The following MIB2 variants were observed in gnomAD, a reference collection of about 807,000 sequenced individuals.
The protein encoded by MIB2 is E3 ubiquitin-protein ligase MIB2.
A neutral mutation model predicts 96.6 loss-of-function variants in MIB2; 78 were observed. That is an observed-to-expected ratio of 0.81 (90% confidence interval 0.67 to 0.97). The LOEUF (loss-of-function observed/expected upper bound fraction) is 0.97. MIB2 is among the 50% of genes least tolerant of loss of function. The pLI is 0.00. For missense variants in MIB2, 1,543 were observed against 1,424.0 expected, an observed-to-expected ratio of 1.08 and a Z score of -1.35; for synonymous variants, 820 against 629.5, an observed-to-expected ratio of 1.30 and a Z score of -4.53.
At chr1:1,622,577 C>T (rs2100415490) in intron 2 of MIB2, among the ~76,000 whole-genome samples, 1 of 152,348 alleles carries the variant, frequency 6.6e-6, no homozygotes, top group Admixed American at 6.5e-5. Context: ...TTGGCTACTT[C>T]CCTCCATCTG....
At position 1,627,703 on chromosome 1, in the gene MIB2, G is replaced by C; in HGVS notation, c.1554G>C (p.Leu518=). ...GNQPEATRVL[L]SAGCRADAIN... is the part of the protein sequence containing the mutation. ...AGCCCGAGGCCACCAGGGTGCTCCTGAGTGCTGGGTGCCGGGCGGACGCCA... is the reference window on the plus strand; with the variant it reads ...AGCCCGAGGCCACCAGGGTGCTCCTCAGTGCTGGGTGCCGGGCGGACGCCA... Residue 518 remains leucine, a synonymous_variant, in exon 13 of 20, where the codon CTG becomes CTC. Transcript: ENST00000355826. 6.3e-7 allele frequency: 1 copy of C among 1,595,230 alleles called. No homozygotes were observed. The highest frequency in any genetic ancestry group is 1.1e-5 in the South Asian group (1 of 90,400).
chr1:1,620,564 G>T (rs1644167507), intron 2 of MIB2, among the ~76,000 whole-genome samples: 2 of 152,184 alleles, frequency 1.3e-5, no homozygotes, highest in Admixed American at 1.3e-4. Context: ...GCAGGGGGTG[G>T]GGTCTGCAAC....
chr1:1,615,864 C>T (rs1643582055), intron 1 of MIB2: 1 of 1,163,120 alleles, frequency 8.6e-7, no homozygotes, highest in South Asian at 3.4e-5. Flanking sequence ...CAGCTCCCGG[C>T]AGGCCTCGCG....
rs371725342 is a variant in MIB2 at position 1,625,566 on chromosome 1, C to T, written c.885C>T (p.Thr295=). 3.3e-4 allele frequency: 525 copies of T among 1,583,820 alleles called. 2 individuals carry two copies. In the East Asian group the frequency reaches 7.8e-3, roughly 24 times the overall value. Residue 295 remains threonine, a synonymous_variant, in exon 8 of 20, where the codon ACC becomes ACT. Coordinates refer to ENST00000355826, the MANE Select transcript of MIB2 (RefSeq NM_001170687.4). The surrounding 1 kb of genome is among the most constrained non-coding windows in gnomAD (Gnocchi z 5.0). The stretch of plus-strand genomic sequence containing the variant: ...CACAGTTTATCGGACAGACGGGCAC[C>T]GTGCATCGTATCACGGACCGCGGGG... The part of the protein sequence containing the change: ...RMAEFIGQTG[T]VHRITDRGDV...
chr1:1,629,927 C>T (rs1300814525), intron 19 of MIB2, among the ~76,000 whole-genome samples: 1 of 147,964 alleles, frequency 6.8e-6, no homozygotes, highest in African/African-American at 2.5e-5. Flanking sequence ...CACCCTCCTC[C>T]CCCATCACAC....
At chr1:1,623,051 A>C in intron 2 of MIB2, 1 of 331,884 alleles carries the variant, frequency 3.0e-6, no homozygotes, top group South Asian at 6.6e-5. Context: ...GTCTCGGGGG[A>C]CGGCAGCTCT....
At chr1:1,619,924 G>A (rs1436259400) in intron 2 of MIB2, among the ~76,000 whole-genome samples, 1 of 152,232 alleles carries the variant, frequency 6.6e-6, no homozygotes, top group Non-Finnish European at 1.5e-5. Flanking sequence ...TACCGGGCAT[G>A]CTGCAGACAG....
At position 1,625,958 on chromosome 1, in the gene MIB2, C is replaced by A; in HGVS notation, c.972+305C>A. ...CGTGGGCGGGAGGGAGGCGGCTGGGCTAAGATGCTCCTGGTTAGTGCTGTA... is the reference window on the plus strand; with the variant it reads ...CGTGGGCGGGAGGGAGGCGGCTGGGATAAGATGCTCCTGGTTAGTGCTGTA... On this transcript the variant is annotated intron_variant, in intron 8 of 19. Transcript: ENST00000355826. This position sits in a 1 kb window ranked among gnomAD's most constrained non-coding sequence, Gnocchi z 5.0. 1 of 468,000 alleles carries A rather than the reference C, an allele frequency of 2.1e-6. No homozygotes were observed. Among genetic ancestry groups the A allele is most frequent in the Non-Finnish European group, 3.9e-6 (1 of 257,352 alleles). 29.0% of individuals were successfully genotyped at this position (468,000 alleles called of 1,614,324 possible). A position where few individuals can be genotyped will look rare whatever the true frequency, so the allele number is the denominator to read the frequency against.
chr1:1,623,702 G>T lies in MIB2; in HGVS notation c.247+3G>T, dbSNP rs1644467771. The stretch of plus-strand genomic sequence containing the variant: ...GCTGTACGACAACGCCCAGATCGGT[G>T]CGCGCCAAGGGCAGGCGGGACGGGC... On this transcript the variant is annotated splice_donor_region_variant and intron_variant, in intron 3 of 19. Coordinates refer to ENST00000355826, the MANE Select transcript of MIB2 (RefSeq NM_001170687.4). 6.6e-7 allele frequency: 1 copy of T among 1,521,550 alleles called. No individual in the cohort carries two copies. The highest frequency in any genetic ancestry group is 1.3e-5 in the South Asian group (1 of 78,644). The allele number at this position is 1,521,550 out of a possible 1,614,324, so 94.3% of individuals were successfully genotyped here.
chr1:1,624,820 C>T lies in MIB2; in HGVS notation c.445C>T (p.Leu149Phe), dbSNP rs1474005024. The T allele has an allele frequency of 6.2e-7, 1 of 1,613,052 alleles. No individual in the cohort carries two copies. The highest frequency in any genetic ancestry group is 2.2e-5 in the East Asian group (1 of 44,882). ...RPVTLSPRQG[L>F]PRIPLRGIFQ... ...TGTCACACTGAGTCCCCGCCAGGGC[C>T]TCCCGAGGATCCCACTAAGGGGCAT... Residue 149 changes from leucine (L) to phenylalanine (F), a missense_variant, in exon 5 of 20, where the codon CTC becomes TTC. Transcript: ENST00000355826.
At chr1:1,627,992 A>C in intron 13 of MIB2, 27 bp from the exon 14 acceptor site, 1 of 1,611,012 alleles carries the variant, frequency 6.2e-7, no homozygotes, top group Admixed American at 1.7e-5. Context: ...AGTCACCCCC[A>C]GGTGACCACT....
chr1:1,629,537 CG>C lies in MIB2; in HGVS notation c.2535del (p.Pro846ArgfsTer15), dbSNP rs1557625998. 6.5e-7 allele frequency: 1 copy of C among 1,546,348 alleles called. No individual in the cohort carries two copies. ...CSELALLVLF[S>X]PCQHRTVCEE... ...GAGCTGGCGCTGCTGGTGCTGTTCTCGCCGTGCCAGCACCGCACCGTGTGTG... is the reference window on the plus strand; with the variant it reads ...GAGCTGGCGCTGCTGGTGCTGTTCTCCCGTGCCAGCACCGCACCGTGTGTG... On this transcript the variant is annotated frameshift_variant, in exon 18 of 20. Transcript: ENST00000355826. LOFTEE classifies it high-confidence loss of function.
At chr1:1,624,489 G>A (rs909539348) in intron 4 of MIB2, among the ~76,000 whole-genome samples, 1 of 152,196 alleles carries the variant, frequency 6.6e-6, no homozygotes, top group African/African-American at 2.4e-5. Flanking sequence ...GGCATGAAGC[G>A]ACCGCACCCA....
Position 1,628,529 on chromosome 1 carries a change from C to T in MIB2, c.2009C>T (p.Ser670Phe). ...DVNVRNRKLQ[S>F]PLHLAVQQAH... ...AACGTGCGCAACCGGAAGCTGCAGT[C>T]CCCGCTGCATCTCGCCGTGCAACAG... Residue 670 changes from serine to phenylalanine, a missense_variant, in exon 16 of 20, where the codon TCC becomes TTC. By Grantham distance (155) the Ser-to-Phe change is radical. Transcript: ENST00000355826. 2 of 1,601,122 alleles carry T rather than the reference C, an allele frequency of 1.2e-6. No homozygotes were observed. The highest frequency in any genetic ancestry group is 1.7e-6 in the Non-Finnish European group (2 of 1,178,640).
rs776278282 is a variant in MIB2, at chr1:1,625,224, C to G, written c.721+39C>G. 3.1e-5 allele frequency: 50 copies of G among 1,602,714 alleles called. No homozygotes were observed. Among genetic ancestry groups the G allele is most frequent in the Non-Finnish European group, 4.2e-5 (49 of 1,174,680 alleles). Reference sequence around the variant, plus strand: ...ACACTGACTCCATCAGCCCTCCTGCCTTGGCTGAAGTCCCAGAGGGGAGGG... The same window carrying G: ...ACACTGACTCCATCAGCCCTCCTGCGTTGGCTGAAGTCCCAGAGGGGAGGG... On this transcript the variant is annotated intron_variant, in intron 6 of 19. Coordinates refer to ENST00000355826, the MANE Select transcript of MIB2 (RefSeq NM_001170687.4). The surrounding 1 kb of genome is among the most constrained non-coding windows in gnomAD (Gnocchi z 5.0).
chr1:1,616,193 C>CG, intron 1 of MIB2: 3 of 803,898 alleles, frequency 3.7e-6, no homozygotes, highest in Non-Finnish European at 3.0e-6. Flanking sequence ...GGGCGCGCTC[C>CG]GGGTGGGGGT....
rs1282564156 is a variant in MIB2 at position 1,629,253 on chromosome 1, G to A, written c.2323G>A (p.Asp775Asn). The A allele has an allele frequency of 1.9e-6, 3 of 1,546,482 alleles. No individual in the cohort carries two copies. The highest frequency in any genetic ancestry group is 1.4e-5 in the African/African-American group (1 of 70,344). ...YTNHRGRSPL[D>N]LAAEGRVLKA... Reference sequence around the variant, plus strand: ...CAACCACCGCGGTCGGAGCCCGCTGGACCTGGCCGCCGAGGGTCGCGTGCT... The same window carrying A: ...CAACCACCGCGGTCGGAGCCCGCTGAACCTGGCCGCCGAGGGTCGCGTGCT... Residue 775 changes from aspartate to asparagine, a missense_variant, in exon 17 of 20, where the codon GAC becomes AAC. Coordinates refer to ENST00000355826, the MANE Select transcript of MIB2 (RefSeq NM_001170687.4).
rs1056688050 is a variant in MIB2 at position 1,626,560 on chromosome 1, C to T, written c.973-90C>T. On this transcript the variant is annotated intron_variant, in intron 8 of 19. Coordinates refer to ENST00000355826, the MANE Select transcript of MIB2 (RefSeq NM_001170687.4). The surrounding 1 kb of genome is among the most constrained non-coding windows in gnomAD (Gnocchi z 5.3). ...GGGGCCGAGTCAGGCCTGCCTGTCT[C>T]GTGGAGCTCAGCAGGTTGCCCTCCT... is the stretch of plus-strand genomic sequence containing the variant. The T allele has an allele frequency of 2.2e-5, 25 of 1,137,408 alleles. No homozygotes were observed. The highest frequency in any genetic ancestry group is 7.8e-5 in the East Asian group (3 of 38,468). 70.5% of individuals were successfully genotyped at this position (1,137,408 alleles called of 1,614,324 possible).
intron 3 of MIB2, 25 bp downstream of exon 3, chr1:1,623,724 G>C (rs776362384): frequency 6.5e-7 from 1 of 1,544,696 alleles, no homozygotes; most frequent in African/African-American, 1.4e-5. Flanking sequence ...CAGGCGGGAC[G>C]GGCAGGACCC....
Sources: gnomAD v4.1 joint callset for allele counts (sites outside exome capture counted in the v4.1 genomes callset) on GRCh38, gnomAD v4.1.1 for gene constraint, Gnocchi (gnomAD v3.1) non-coding constraint, MANE v1.5 for transcripts, NCBI Gene and HGNC (gene_info 2026-07-23, HGNC 2026-07-21) for gene names.